The following DNASE1L1 variants were observed in gnomAD, a reference collection of about 807,000 sequenced individuals.
DNASE1L1 encodes the protein deoxyribonuclease 1 like 1.
DNASE1L1 carries 8 observed loss-of-function variants against 18.6 expected under a neutral mutation model. The ratio of observed to expected loss-of-function variants is 0.43; its 90% CI spans 0.25 to 0.78. DNASE1L1 has a LOEUF of 0.78. Among genes scored for constraint, DNASE1L1 ranks in the 30% least tolerant of loss-of-function variants. DNASE1L1 has a pLI of 0.23. For missense variants in DNASE1L1, 214 were observed against 258.2 expected, an observed-to-expected ratio of 0.83 and a Z score of 1.17; for synonymous variants, 114 against 114.2, an observed-to-expected ratio of 1.00 and a Z score of 0.01.
intron 4 of DNASE1L1, among the ~76,000 whole-genome samples, chrX:154,404,147 C>CTTTTTTTTTTTTTTTTTT (rs35330789): frequency 1.5e-5 from 1 of 65,313 alleles, no homozygotes; most frequent in African/African-American, 6.7e-5. Flanking sequence ...TGATGTCATT[C>CTTTTTTTTTTTTTTTTTT]TTTTTTTTTT....
At chrX:154,411,897 C>T (rs781846964), upstream of DNASE1L1, 4 of 1,206,108 alleles carry the variant, frequency 3.3e-6, no homozygotes, top group Middle Eastern at 2.3e-4. Flanking sequence ...TCACCTGGAC[C>T]CTGGCCAGCA....
chrX:154,407,009 T>C (rs994462923), intron 1 of DNASE1L1, among the ~76,000 whole-genome samples: 6 of 110,914 alleles, frequency 5.4e-5, no homozygotes, highest in African/African-American at 2.0e-4. Context: ...GACTGCACCA[T>C]TTTACGTTCT....
Position 154,403,607 on chromosome X carries a change from C to T in DNASE1L1, c.327G>A (p.Gln109=), listed in dbSNP as rs782579104. ...CGTTGTACACGTAGGAACTCAGGAC[C>T]TGTGTTTTGTGTGACCTGGGAGGAC... is the stretch of plus-strand genomic sequence containing the variant. ...YVYFYRSHKT[Q]VLSSYVYNDE... is the part of the protein sequence containing the mutation. Residue 109 remains glutamine (Q), a synonymous_variant, in exon 5 of 8, where the codon CAG becomes CAA. Coordinates refer to ENST00000369807, the MANE Select transcript of DNASE1L1 (RefSeq NM_001303620.2). 4 of 1,211,720 alleles carry T rather than the reference C, an allele frequency of 3.3e-6. No individual in the cohort carries two copies. Among genetic ancestry groups the T allele is most frequent in the Admixed American group, 2.2e-5 (1 of 46,087 alleles).
chrX:154,404,791 GC>G (rs782773416), intron 4 of DNASE1L1, 36 bp downstream of exon 4: 10 of 1,176,468 alleles, frequency 8.5e-6, no homozygotes, highest in Non-Finnish European at 1.0e-5. Context: ...GCCAAGGACC[GC>G]CCCCCACCCT....
At position 154,402,698 on chromosome X, in the gene DNASE1L1, G is replaced by C. The variant is rs782416192; in HGVS notation, c.*9C>G. On this transcript the variant is annotated 3_prime_UTR_variant, in exon 8 of 8. Coordinates refer to ENST00000369807, the MANE Select transcript of DNASE1L1 (RefSeq NM_001303620.2). ...AAAGGCAGCAGGCCCTGGGGGGGTA[G>C]GGGGACGCTCAGGCAGCAGGGCACA... 9.2e-6 allele frequency: 11 copies of C among 1,202,077 alleles called. No individual in the cohort carries two copies. Among genetic ancestry groups the C allele is most frequent in the Non-Finnish European group, 1.2e-5 (11 of 890,483 alleles).
chrX:154,405,481 T>A lies in DNASE1L1; in HGVS notation c.88A>T (p.Thr30Ser), dbSNP rs140776268. ...TGCTCCCTGGCCACCTTGGCCAGTGTCAGCCGCTGGGCATTGAAGGCGCAG... is the reference window on the plus strand; with the variant it reads ...TGCTCCCTGGCCACCTTGGCCAGTGACAGCCGCTGGGCATTGAAGGCGCAG... ...RICAFNAQRLTLAKVAREQVM... is the reference protein window; with the variant it reads ...RICAFNAQRLSLAKVAREQVM... Residue 30 changes from threonine (T) to serine (S), a missense_variant, in exon 2 of 8, where the codon ACA (threonine) becomes TCA (serine). Thr to Ser is a moderately conservative substitution (Grantham distance 58). Coordinates refer to ENST00000369807, the MANE Select transcript of DNASE1L1 (RefSeq NM_001303620.2). 5.8e-6 allele frequency: 7 copies of A among 1,205,602 alleles called. No individual in the cohort carries two copies. The African/African-American group carries it at 8.6e-5, about 15-fold the overall frequency.
At position 154,402,832 on chromosome X, in the gene DNASE1L1, T is replaced by G. The variant is rs781847383; in HGVS notation, c.784A>C (p.Ile262Leu). The change falls in exon 8 of 8, where the codon ATC (isoleucine) becomes CTC (leucine). Residue 262 changes from isoleucine (I) to leucine (L), a missense_variant. Physicochemically the swap from Ile to Leu is conservative, Grantham distance 5. Transcript: ENST00000369807. ...FQLTEEEALNISDHYPVEVEL... is the reference protein window; with the variant it reads ...FQLTEEEALNLSDHYPVEVEL... ...ACCTCCACGGGGTAGTGGTCACTGA[T>G]GTTGAGGGCCTGGGAATGGGTGGTG... is the stretch of plus-strand genomic sequence containing the variant. The G allele has an allele frequency of 3.3e-6, 4 of 1,209,150 alleles. No individual in the cohort carries two copies. The Admixed American group carries it at 8.7e-5, about 26-fold the overall frequency.
Position 154,405,039 on chromosome X carries a change from G to A in DNASE1L1, c.180C>T (p.Asp60=), listed in dbSNP as rs1429379189. The change falls in exon 3 of 8, where the codon GAC becomes GAT. Residue 60 remains aspartate, a synonymous_variant. Transcript: ENST00000369807. The stretch of plus-strand genomic sequence containing the variant: ...GGAGCGGGATGGCGCTGCCGGAAGA[G>A]TCCACCACCTCCTGCAGCACCATGA... ...CDIMVLQEVV[D]SSGSAIPLLL... The A allele has an allele frequency of 1.7e-6, 2 of 1,209,941 alleles. No individual in the cohort carries two copies. Among genetic ancestry groups the A allele is most frequent in the Admixed American group, 4.4e-5 (2 of 45,882 alleles).
rs963691123 is a variant in DNASE1L1 at position 154,401,996 on chromosome X, C to T, written c.*711G>A. The T allele has an allele frequency of 9.0e-6, 1 of 111,639 alleles. No individual in the cohort carries two copies. Among genetic ancestry groups the T allele is most frequent in the Non-Finnish European group, 1.9e-5 (1 of 53,161 alleles). 9.2% of individuals were successfully genotyped at this position (111,639 alleles called of 1,213,427 possible). On this transcript the variant is annotated 3_prime_UTR_variant, in exon 8 of 8. Coordinates refer to ENST00000369807, the MANE Select transcript of DNASE1L1 (RefSeq NM_001303620.2). The stretch of plus-strand genomic sequence containing the variant: ...TGTCCTGCAGCCCCTTTCCGGGACA[C>T]CTGGGTTCACACAGCTTTTTAGCTT...
intron 6 of DNASE1L1, 29 bp downstream of exon 6, chrX:154,403,240 T>C: frequency 8.3e-7 from 1 of 1,209,120 alleles, no homozygotes. Context: ...CCTATCCTTG[T>C]CCCTCCTGTA....
rs782154063 is a variant in DNASE1L1, at chrX:154,405,051, C to T, written c.168G>A (p.Gln56=). 2.6e-5 allele frequency: 31 copies of T among 1,209,954 alleles called. No homozygotes were observed. The highest frequency in any genetic ancestry group is 3.4e-5 in the Non-Finnish European group (30 of 894,980). The part of the protein sequence containing the change: ...ILARCDIMVL[Q]EVVDSSGSAI... Reference sequence around the variant, plus strand: ...CGCTGCCGGAAGAGTCCACCACCTCCTGCAGCACCATGATGTCACAGCGAG... The same window carrying T: ...CGCTGCCGGAAGAGTCCACCACCTCTTGCAGCACCATGATGTCACAGCGAG... The change falls in exon 3 of 8, where the codon CAG becomes CAA. Residue 56 remains glutamine (Q), a synonymous_variant. Coordinates refer to ENST00000369807, the MANE Select transcript of DNASE1L1 (RefSeq NM_001303620.2).
At chrX:154,411,793 C>T (rs12845666), upstream of DNASE1L1, 1 of 1,110,859 alleles carries the variant, frequency 9.0e-7, no homozygotes, top group East Asian at 3.3e-5. Context: ...CTAGAGGCGC[C>T]CCACAGGCCG....
chrX:154,411,454 G>A (rs1386695532), upstream of DNASE1L1: 1 of 205,134 alleles, frequency 4.9e-6, no homozygotes, highest in Non-Finnish European at 9.0e-6. Flanking sequence ...GCCACTTCCC[G>A]CCGCCCCGGG....
At chrX:154,404,725 G>T in intron 4 of DNASE1L1, 103 bp downstream of exon 4, 1 of 768,008 alleles carries the variant, frequency 1.3e-6, no homozygotes, top group Non-Finnish European at 1.9e-6. Context: ...AGGTGAGGCT[G>T]TCCCAGGATG....
chrX:154,404,054 T>C (rs1320795589), intron 4 of DNASE1L1, among the ~76,000 whole-genome samples: 3 of 110,396 alleles, frequency 2.7e-5, no homozygotes, highest in African/African-American at 9.9e-5. Flanking sequence ...CCATATGCTG[T>C]GGCACGTCTG....
chrX:154,404,157 T>C (rs1054215412), intron 4 of DNASE1L1, among the ~76,000 whole-genome samples: 21 of 95,824 alleles, frequency 2.2e-4, no homozygotes, highest in African/African-American at 8.0e-4. Context: ...CTTTTTTTTT[T>C]TTTTTTTTTT....
Position 154,402,438 on chromosome X carries a change from C to CGGGCTGGATGGACGGGGGAGG in DNASE1L1, c.*268_*269insCCTCCCCCGTCCATCCAGCCC, listed in dbSNP as rs1557186919. ...ATTCCTCTTTCTGAACCCTCCCTTC[C>CGGGCTGGATGGACGGGGGAGG]CCTACCCCAACCCAGAGCCCACTTT... is the stretch of plus-strand genomic sequence containing the variant. On this transcript the variant is annotated 3_prime_UTR_variant, in exon 8 of 8. Coordinates refer to ENST00000369807, the MANE Select transcript of DNASE1L1 (RefSeq NM_001303620.2). 16 of 318,919 alleles carry CGGGCTGGATGGACGGGGGAGG rather than the reference C, an allele frequency of 5.0e-5. No individual in the cohort carries two copies. Among genetic ancestry groups the CGGGCTGGATGGACGGGGGAGG allele is most frequent in the Non-Finnish European group, 7.6e-5 (14 of 183,479 alleles). 26.3% of individuals were successfully genotyped at this position (318,919 alleles called of 1,213,427 possible).
chrX:154,402,692 G>T lies in DNASE1L1; in HGVS notation c.*15C>A, dbSNP rs72616477. On this transcript the variant is annotated 3_prime_UTR_variant, in exon 8 of 8. Transcript: ENST00000369807. ...GTCCCAAAAGGCAGCAGGCCCTGGG[G>T]GGGTAGGGGGACGCTCAGGCAGCAG... The T allele has an allele frequency of 2.0e-3, 2,384 of 1,199,739 alleles. 29 individuals carry two copies. In the East Asian group the frequency reaches 0.044, roughly 22 times the overall value.
upstream of DNASE1L1, chrX:154,411,603 A>T: frequency 2.3e-6 from 1 of 439,197 alleles, no homozygotes; most frequent in Non-Finnish European, 4.1e-6. Context: ...CCCGTTCCGC[A>T]GCGCGCCCAC....
Sources: allele counts gnomAD v4.1 joint callset (sites outside exome capture counted in the v4.1 genomes callset), GRCh38; gene constraint gnomAD v4.1.1; transcripts MANE v1.5; gene names NCBI Gene and HGNC (gene_info 2026-07-23, HGNC 2026-07-21).